Variants in ANO10 observed in about 807,000 individuals in gnomAD.
ANO10 encodes the protein anoctamin-10.
Under a neutral mutation model 74.7 loss-of-function variants are expected in ANO10, and 77 were observed. The observed-to-expected ratio is 1.03, with a 90% confidence interval of 0.86 to 1.25. The LOEUF (loss-of-function observed/expected upper bound fraction) is 1.25, where lower values mean the gene tolerates loss of function less well. Ranked by LOEUF, ANO10 falls within the 50% of genes most tolerant of loss-of-function variation. The pLI, the probability that ANO10 is intolerant of heterozygous loss-of-function variation, is 0.00. For missense variants in ANO10, 721 were observed against 778.1 expected, an observed-to-expected ratio of 0.93 and a Z score of 0.87; for synonymous variants, 279 against 284.9, an observed-to-expected ratio of 0.98 and a Z score of 0.21.
chr3:43,566,745 A>G (rs1332284651), intron 7 of ANO10, among the ~76,000 whole-genome samples: 3 of 152,232 alleles, frequency 2.0e-5, no homozygotes, highest in Non-Finnish European at 4.4e-5. Context: ...AAAAACCTGA[A>G]CAGAAAAACT....
At position 43,569,262 on chromosome 3, in the gene ANO10, G is replaced by A. The variant is rs1475720994; in HGVS notation, c.1219-3535C>T. Among the ~76,000 whole-genome samples the A allele has an allele frequency of 4.9e-5, 6 of 121,826 alleles. No homozygotes were observed. In the East Asian group the frequency reaches 7.1e-4, roughly 14 times the overall value. The allele number at this position is 121,826 out of a possible 152,430, so 79.9% of individuals were successfully genotyped here. ...AGCCGAATTCTACCAGAGGTACAAG[G>A]AGGAACTGGTACCATTCCTTCTGAA... On this transcript the variant is annotated intron_variant, in intron 7 of 12. Coordinates refer to ENST00000292246, the MANE Select transcript of ANO10 (RefSeq NM_018075.5).
rs768830099 is a variant in ANO10 at position 43,565,669 on chromosome 3, A to C, written c.1277T>G (p.Met426Arg). 1 of 1,584,136 alleles carries C rather than the reference A, an allele frequency of 6.3e-7. No homozygotes were observed. The highest frequency in any genetic ancestry group is 1.8e-5 in the Admixed American group (1 of 56,974). ...LFYIAFVLKDMKLLRQSLATL... is the reference protein window; with the variant it reads ...LFYIAFVLKDRKLLRQSLATL... The stretch of plus-strand genomic sequence containing the variant: ...TTTACTTACCTGGCGCAAAAGCTTC[A>C]TATCTTTCAAGACAAAGGCAATATA... The change falls in exon 8 of 13, where the codon ATG becomes AGG. Residue 426 changes from methionine to arginine, a missense_variant. By Grantham distance (91) the Met-to-Arg change is moderately conservative. Coordinates refer to ENST00000292246, the MANE Select transcript of ANO10 (RefSeq NM_018075.5).
rs104893676 is a variant in ANO10 at position 43,691,011 on chromosome 3, G to A, written c.-12+506C>T. On this transcript the variant is annotated intron_variant, in intron 1 of 3. Coordinates refer to the ANO10 transcript ENST00000413397. Reference sequence around the variant, plus strand: ...GGCGGCTATGGCGGCGGAGGAGGAGGAGGTGGACTCTGCCGACACCGGAGA... The same window carrying A: ...GGCGGCTATGGCGGCGGAGGAGGAGAAGGTGGACTCTGCCGACACCGGAGA... 1.5e-4 allele frequency: 235 copies of A among 1,569,174 alleles called. No homozygotes were observed. In the African/African-American group the frequency reaches 3.0e-3, roughly 20 times the overall value.
At chr3:43,466,566 T>C (rs926484705) in intron 11 of ANO10, among the ~76,000 whole-genome samples, 2 of 152,062 alleles carry the variant, frequency 1.3e-5, no homozygotes, top group Non-Finnish European at 2.9e-5. Flanking sequence ...GATATTCATA[T>C]AGGAAAACAA....
chr3:43,600,992 C>G (rs910263053), intron 2 of ANO10, among the ~76,000 whole-genome samples: 2 of 152,042 alleles, frequency 1.3e-5, no homozygotes, highest in African/African-American at 4.8e-5. Flanking sequence ...AATACAATTA[C>G]ACTGGACTAT....
chr3:43,531,346 C>G (rs756100055), intron 11 of ANO10, among the ~76,000 whole-genome samples: 1 of 152,062 alleles, frequency 6.6e-6, no homozygotes, highest in Non-Finnish European at 1.5e-5. Flanking sequence ...TTAATAGTGG[C>G]TTATAAATTA....
intron 12 of ANO10, among the ~76,000 whole-genome samples, chr3:43,401,987 T>C (rs553403520): frequency 1.3e-5 from 2 of 152,272 alleles, no homozygotes; most frequent in East Asian, 1.9e-4. Flanking sequence ...GCCCAGGTTA[T>C]AAGGAGGTGC....
chr3:43,675,404 CT>C (rs1170068047), intron 1 of ANO10, among the ~76,000 whole-genome samples: 4 of 152,098 alleles, frequency 2.6e-5, no homozygotes, highest in Non-Finnish European at 5.9e-5. Context: ...AAATTAAAAA[CT>C]TTTACTGTGC....
chr3:43,471,792 A>C (rs1045162859), intron 11 of ANO10, among the ~76,000 whole-genome samples: 9 of 152,202 alleles, frequency 5.9e-5, no homozygotes, highest in Admixed American at 5.2e-4. Context: ...TTTCTTTTTA[A>C]GAAAAGTGAA....
intron 9 of ANO10, among the ~76,000 whole-genome samples, chr3:43,556,218 T>A (rs1227408261): frequency 6.6e-6 from 1 of 152,178 alleles, no homozygotes; most frequent in Non-Finnish European, 1.5e-5. Context: ...ATCTTAGCAA[T>A]CAAGCCATTT....
intron 1 of ANO10, among the ~76,000 whole-genome samples, chr3:43,686,679 T>C (rs1451622998): frequency 1.3e-5 from 2 of 152,216 alleles, no homozygotes; most frequent in South Asian, 2.1e-4. Flanking sequence ...AAATTTTAAC[T>C]TAATTAAAAT....
chr3:43,382,432 T>A (rs2091989758), intron 12 of ANO10, among the ~76,000 whole-genome samples: 1 of 149,116 alleles, frequency 6.7e-6, no homozygotes, highest in Non-Finnish European at 1.5e-5. Flanking sequence ...GGCAGGAGAA[T>A]GGCGTGAACC....
chr3:43,466,181 G>GTTT (rs2075603026), intron 11 of ANO10, among the ~76,000 whole-genome samples: 1 of 151,818 alleles, frequency 6.6e-6, no homozygotes, highest in Admixed American at 6.6e-5. Context: ...GACCATCCCG[G>GTTT]CCAACATGGT....
chr3:43,440,512 T>TA (rs1228262086), intron 11 of ANO10, among the ~76,000 whole-genome samples: 1 of 151,932 alleles, frequency 6.6e-6, no homozygotes, highest in Non-Finnish European at 1.5e-5. Context: ...ATATAACAAT[T>TA]ATAATTGTAT....
At chr3:43,540,899 A>G (rs2078926422) in intron 11 of ANO10, among the ~76,000 whole-genome samples, 1 of 152,232 alleles carries the variant, frequency 6.6e-6, no homozygotes, top group Non-Finnish European at 1.5e-5. Context: ...CACATAATAA[A>G]TATGTATTCA....
intron 1 of ANO10, among the ~76,000 whole-genome samples, chr3:43,607,346 A>C (rs1482286184): frequency 1.3e-5 from 2 of 151,520 alleles, no homozygotes; most frequent in Non-Finnish European, 2.9e-5. Context: ...AAAAAAAAAA[A>C]CAAAACAAAC....
chr3:43,534,767 C>G (rs185382940), intron 11 of ANO10, among the ~76,000 whole-genome samples: 1 of 152,304 alleles, frequency 6.6e-6, no homozygotes, highest in Non-Finnish European at 1.5e-5. Flanking sequence ...TGCTCCTGCT[C>G]AGTAGCTTGA....
intron 2 of ANO10, among the ~76,000 whole-genome samples, chr3:43,605,158 C>T (rs2082502294): frequency 6.6e-6 from 1 of 152,190 alleles, no homozygotes; most frequent in Admixed American, 6.6e-5. Context: ...CATTCCTTGC[C>T]ACTGAAGAAA....
intron 1 of ANO10, among the ~76,000 whole-genome samples, chr3:43,663,091 A>G (rs925755008): frequency 1.3e-5 from 2 of 152,204 alleles, no homozygotes; most frequent in African/African-American, 4.8e-5. Context: ...CACAACAAAA[A>G]AAGAGAATTT....
Sources: gnomAD v4.1 joint callset for allele counts (sites outside exome capture counted in the v4.1 genomes callset) on GRCh38, gnomAD v4.1.1 for gene constraint, MANE v1.5 for transcripts, NCBI Gene and HGNC (gene_info 2026-07-23, HGNC 2026-07-21) for gene names.